DMD: variants seen among roughly 807,000 people sequenced by gnomAD.
DMD encodes the protein dystrophin.
Under a neutral mutation model 330.1 loss-of-function variants are expected in DMD, and 63 were observed. That is an observed-to-expected ratio of 0.19 (90% CI 0.16 to 0.24). The LOEUF is 0.24. DMD is among the 10% of genes least tolerant of loss of function. The pLI, the probability that DMD is intolerant of heterozygous loss-of-function variation, is 1.00. For missense variants in DMD, 3,344 were observed against 2,684.1 expected (o/e 1.25, Z -5.43); for synonymous variants, 1,223 against 959.8 (o/e 1.27, Z -5.07).
intron 29 of DMD, among the ~76,000 whole-genome samples, chrX:32,412,868 T>A (rs1427858843): frequency 9.0e-6 from 1 of 111,172 alleles, no homozygotes; most frequent in African/African-American, 3.3e-5. Flanking sequence ...ATATTAGATA[T>A]TACATAAATA....
At chrX:32,506,035 C>A (rs911111294) in intron 18 of DMD, among the ~76,000 whole-genome samples, 3 of 110,933 alleles carry the variant, frequency 2.7e-5, no homozygotes, top group Non-Finnish European at 5.7e-5. Flanking sequence ...TGTAGATGAA[C>A]GGGAAAAGTA....
intron 12 of DMD, among the ~76,000 whole-genome samples, chrX:32,601,546 A>G (rs933754775): frequency 8.9e-6 from 1 of 111,953 alleles, no homozygotes. Flanking sequence ...AACTGTTTTA[A>G]AAATAAAGTA....
rs61065027 is a variant in DMD, at chrX:31,198,023, TAAAA to T, written c.9807+5934_9807+5937del. On this transcript the variant is annotated intron_variant, in intron 67 of 78. Transcript: ENST00000357033. ...CATGTTCTCACTCATGTGTGGGAGC[TAAAA>T]AAAAAAAAAAAAAAAAAAATTGAAC... 1.8e-4 allele frequency among the ~76,000 whole-genome samples: 12 copies of T among 64,894 alleles called. No homozygotes were observed. In the South Asian group the frequency reaches 3.4e-3, roughly 19 times the overall value. The allele number at this position is 64,894 out of a possible 115,157, so 56.4% of individuals were successfully genotyped here. A position where few individuals can be genotyped will look rare whatever the true frequency, so the allele number is the denominator to read the frequency against.
chrX:32,226,046 C>T (rs1329551751), intron 43 of DMD, among the ~76,000 whole-genome samples: 3 of 111,807 alleles, frequency 2.7e-5, no homozygotes, highest in African/African-American at 9.7e-5. Context: ...TTTATCAATT[C>T]TAAACCAGAA....
chrX:32,483,713 C>T (rs1164947336), intron 21 of DMD, among the ~76,000 whole-genome samples: 1 of 97,306 alleles, frequency 1.0e-5, no homozygotes, highest in African/African-American at 3.7e-5. Flanking sequence ...TTTGCAGAGG[C>T]ACAGTAACAA....
At chrX:32,400,730 G>A (rs2147788852) in intron 30 of DMD, among the ~76,000 whole-genome samples, 1 of 108,859 alleles carries the variant, frequency 9.2e-6, no homozygotes, top group East Asian at 2.9e-4. Context: ...TACACTGTTG[G>A]TGGGACTGTA....
intron 48 of DMD, among the ~76,000 whole-genome samples, chrX:31,861,946 T>TACACACACACACACACACACACACAC (rs60169449): frequency 1.1e-5 from 1 of 87,966 alleles, no homozygotes; most frequent in Non-Finnish European, 2.2e-5. Context: ...GAAAATAATA[T>TACACACACACACACACACACACACAC]ACACACACAC....
intron 44 of DMD, among the ~76,000 whole-genome samples, chrX:32,078,242 T>TA (rs112064733): frequency 0.29 from 31,914 of 110,939 alleles, 4,542 homozygotes; most frequent in African/African-American, 0.55. Context: ...AGTTAAACAT[T>TA]AAAGAGTTAA....
chrX:33,240,407 G>T (rs1334792817), intron 1 of DMD, among the ~76,000 whole-genome samples: 1 of 111,611 alleles, frequency 9.0e-6, no homozygotes, highest in Admixed American at 9.5e-5. Flanking sequence ...TCTCTTCATG[G>T]ATGAACAGTA....
chrX:31,540,864 G>A (rs887876571), intron 55 of DMD, among the ~76,000 whole-genome samples: 1 of 112,082 alleles, frequency 8.9e-6, no homozygotes, highest in African/African-American at 3.2e-5. Flanking sequence ...CTAAAATGCC[G>A]AGTCTGGAAA....
chrX:31,344,480 T>C (rs1334560954), intron 61 of DMD, among the ~76,000 whole-genome samples: 2 of 110,946 alleles, frequency 1.8e-5, no homozygotes, highest in East Asian at 2.8e-4. Flanking sequence ...CACACGAAAA[T>C]ATTGGAAAGA....
chrX:31,742,383 G>C (rs963823727), intron 51 of DMD, among the ~76,000 whole-genome samples: 2 of 112,251 alleles, frequency 1.8e-5, no homozygotes, highest in African/African-American at 6.5e-5. Flanking sequence ...TTGATTTAAA[G>C]TGACAAACAT....
intron 52 of DMD, among the ~76,000 whole-genome samples, chrX:31,695,158 T>C (rs2083376557): frequency 9.0e-6 from 1 of 111,362 alleles, no homozygotes; most frequent in Non-Finnish European, 1.9e-5. Flanking sequence ...TTAAATGAAA[T>C]AAGCCAGTCA....
At chrX:32,090,805 C>T (rs1329966031) in intron 44 of DMD, among the ~76,000 whole-genome samples, 2 of 110,209 alleles carry the variant, frequency 1.8e-5, no homozygotes, top group South Asian at 3.9e-4. Flanking sequence ...GGTGAGCCAA[C>T]CCAATGCTGA....
chrX:32,319,579 A>T (rs1345787582), intron 41 of DMD, among the ~76,000 whole-genome samples: 2 of 111,862 alleles, frequency 1.8e-5, no homozygotes, highest in East Asian at 5.6e-4. Context: ...TTATTGTCAT[A>T]GATTTAAAAG....
At chrX:33,141,404 C>CAAAAGTTGTAAACGAGCAGTTACATAG (rs2047791490) in intron 1 of DMD, among the ~76,000 whole-genome samples, 1 of 111,062 alleles carries the variant, frequency 9.0e-6, no homozygotes, top group Non-Finnish European at 1.9e-5. Flanking sequence ...CGCTACTGGT[C>CAAAAGTTGTAAACGAGCAGTTACATAG]AAAAGTTGTA....
chrX:32,861,392 T>TACATTACA (rs2082061467), intron 2 of DMD, among the ~76,000 whole-genome samples: 1 of 111,889 alleles, frequency 8.9e-6, no homozygotes, highest in East Asian at 2.8e-4. Context: ...AATAAAAACA[T>TACATTACA]TAAATAAATT....
At chrX:31,898,128 C>G (rs1313256292) in intron 47 of DMD, among the ~76,000 whole-genome samples, 22 of 110,172 alleles carry the variant, frequency 2.0e-4, no homozygotes, top group Admixed American at 3.9e-4. Flanking sequence ...AGGATACAAA[C>G]AAATGGAAGA....
intron 2 of DMD, among the ~76,000 whole-genome samples, chrX:32,872,007 G>A (rs2149147532): frequency 9.0e-6 from 1 of 110,878 alleles, no homozygotes; most frequent in South Asian, 3.9e-4. Flanking sequence ...AAATTGGTAT[G>A]AAAAGGACAC....
Sources: gnomAD v4.1 joint callset for allele counts (sites outside exome capture counted in the v4.1 genomes callset) on GRCh38, gnomAD v4.1.1 for gene constraint, MANE v1.5 for transcripts, NCBI Gene and HGNC (gene_info 2026-07-23, HGNC 2026-07-21) for gene names.